Variants in ZNF75A observed in about 807,000 individuals in gnomAD.
ZNF75A encodes the protein zinc finger protein 75A.
In ZNF75A, 36 loss-of-function variants were observed where a neutral mutation model predicts 46.3. That is an observed-to-expected ratio of 0.78 (90% CI 0.60 to 1.03). The LOEUF is 1.03. Ranked by LOEUF, ZNF75A falls within the 50% of genes least tolerant of loss-of-function variation. ZNF75A has a pLI of 0.00. For missense variants in ZNF75A, 595 were observed against 551.3 expected (o/e 1.08, Z -0.79); for synonymous variants, 234 against 189.9 (o/e 1.23, Z -1.91).
downstream of ZNF75A, chr16:3,323,395 C>T: frequency 1.2e-6 from 1 of 830,116 alleles, no homozygotes; most frequent in African/African-American, 1.6e-5. Flanking sequence ...CAAACTTCCC[C>T]AGGTGCTCCT....
At chr16:3,321,074 C>T (rs961431311), downstream of ZNF75A, among the ~76,000 whole-genome samples, 2 of 152,112 alleles carry the variant, frequency 1.3e-5, no homozygotes, top group African/African-American at 4.8e-5. Context: ...ATTTCTGTAG[C>T]TTGAGATGAG....
chr16:3,307,448 AC>A (rs1285609769), intron 1 of ZNF75A: 7 of 152,320 alleles, frequency 4.6e-5, no homozygotes, highest in African/African-American at 1.7e-4. Flanking sequence ...TTTTGATCTC[AC>A]CGTCTCAGCT....
At chr16:3,307,007 C>A (rs973686699) in intron 1 of ZNF75A, 2 of 151,238 alleles carry the variant, frequency 1.3e-5, no homozygotes, top group African/African-American at 4.9e-5. Context: ...GCTGGAGTGC[C>A]GTGGCACAGT....
In ZNF75A at chr16:3,311,762, C is replaced by T; in HGVS notation, c.418C>T (p.His140Tyr). The change falls in exon 3 of 7, where the codon CAT becomes TAT. Residue 140 changes from histidine (H) to tyrosine (Y), a missense_variant. Coordinates refer to ENST00000669516, the MANE Select transcript of ZNF75A (RefSeq NM_001302109.2). ...TGGGAATTATTTCTAGGTTGCAGTC[C>T]ATGAGCTGGGAAAGGAGGCAGTGCT... ...SGQTWNGVAV[H>Y]ELGKEAVLLG... 2 of 1,050,240 alleles carry T rather than the reference C, an allele frequency of 1.9e-6. No individual in the cohort carries two copies. The highest frequency in any genetic ancestry group is 2.3e-6 in the Non-Finnish European group (2 of 862,926). The allele number at this position is 1,050,240 out of a possible 1,614,324, so 65.1% of individuals were successfully genotyped here. A position where few individuals can be genotyped will look rare whatever the true frequency, so the allele number is the denominator to read the frequency against.
At position 3,316,988 on chromosome 16, in the gene ZNF75A, G is replaced by A. The variant is rs753200527; in HGVS notation, c.900G>A (p.Pro300=). The A allele has an allele frequency of 3.3e-5, 54 of 1,613,916 alleles. No individual in the cohort carries two copies. The highest frequency in any genetic ancestry group is 4.5e-5 in the East Asian group (2 of 44,888). The change falls in exon 6 of 7, where the codon CCG becomes CCA. Residue 300 remains proline, a synonymous_variant. Coordinates refer to ENST00000669516, the MANE Select transcript of ZNF75A (RefSeq NM_001302109.2). ...QGEEPWVQVS[P]EFKDSAGKSP... ...AAGAGCCATGGGTTCAAGTATCCCCGGAGTTTAAGGATAGTGCCGGAAAAT... is the reference window on the plus strand; with the variant it reads ...AAGAGCCATGGGTTCAAGTATCCCCAGAGTTTAAGGATAGTGCCGGAAAAT...
rs550929617 is a variant in ZNF75A, at chr16:3,310,228, T to C, written c.408+1392T>C. 9.9e-5 allele frequency among the ~76,000 whole-genome samples: 15 copies of C among 152,096 alleles called. No individual in the cohort carries two copies. In the East Asian group the frequency reaches 2.7e-3, roughly 28 times the overall value. ...GACCAACATGCTGAAACCCTGTCTC[T>C]ACTAAAAATACATAAACTAGCTGAG... On this transcript the variant is annotated intron_variant, in intron 2 of 6. Coordinates refer to ENST00000669516, the MANE Select transcript of ZNF75A (RefSeq NM_001302109.2).
intron 2 of ZNF75A, chr16:3,309,431 C>T (rs1960544890): frequency 8.1e-6 from 1 of 124,168 alleles, no homozygotes; most frequent in East Asian, 2.6e-4. Context: ...GCCTGGGCAA[C>T]ACAGCAAGAC....
At chr16:3,314,667 G>C (rs1961065487) in intron 5 of ZNF75A, 1 of 984,900 alleles carries the variant, frequency 1.0e-6, no homozygotes. Flanking sequence ...TTTAGCACCT[G>C]GCCTACCATG....
intron 5 of ZNF75A, chr16:3,315,272 A>T (rs1339657461): frequency 5.4e-6 from 1 of 185,440 alleles, no homozygotes; most frequent in Non-Finnish European, 1.0e-5. Context: ...GCTCAGTGCA[A>T]GCTCTGCCTC....
At chr16:3,306,426 C>T (rs1010863005) in intron 1 of ZNF75A, 3 of 152,076 alleles carry the variant, frequency 2.0e-5, no homozygotes, top group African/African-American at 7.2e-5. Context: ...GTTAAAAATT[C>T]ATATAGGCCT....
rs146257497 is a variant in ZNF75A at position 3,308,450 on chromosome 16, G to A, written c.22G>A (p.Val8Met). Residue 8 changes from valine (V) to methionine (M), a missense_variant, in exon 2 of 7, where the codon GTG becomes ATG. Coordinates refer to ENST00000669516, the MANE Select transcript of ZNF75A (RefSeq NM_001302109.2). ...CAGAATGATGATGGTAGATCTGAAA[G>A]TGGCTGCGTACTTGGACCCTCAGAT... MMMVDLK[V>M]AAYLDPQIRA... 149 of 985,908 alleles carry A rather than the reference G, an allele frequency of 1.5e-4. No homozygotes were observed. Among genetic ancestry groups the A allele is most frequent in the East Asian group, 1.5e-3 (13 of 8,820 alleles). The allele number at this position is 985,908 out of a possible 1,614,324, so 61.1% of individuals were successfully genotyped here. A position where few individuals can be genotyped will look rare whatever the true frequency, so the allele number is the denominator to read the frequency against.
intron 2 of ZNF75A, among the ~76,000 whole-genome samples, chr16:3,309,864 T>C (rs759148243): frequency 5.3e-5 from 8 of 150,656 alleles, no homozygotes; most frequent in African/African-American, 1.5e-4. Flanking sequence ...TCGAACACTT[T>C]AGGGGGTCGC....
chr16:3,317,787 A>G lies in ZNF75A; in HGVS notation c.1532A>G (p.Glu511Gly). The G allele has an allele frequency of 3.7e-6, 6 of 1,614,218 alleles. No individual in the cohort carries two copies. The highest frequency in any genetic ancestry group is 5.1e-6 in the Non-Finnish European group (6 of 1,180,028). ...AAACACCGGAGAACCCACACAGGTGAGCAGCCATATACTTGTAGCATATGC... is the reference window on the plus strand; with the variant it reads ...AAACACCGGAGAACCCACACAGGTGGGCAGCCATATACTTGTAGCATATGC... ...LIKHRRTHTG[E>G]QPYTCSICRR... The change falls in exon 7 of 7, where the codon GAG becomes GGG. Residue 511 changes from glutamate to glycine, a missense_variant. Coordinates refer to ENST00000669516, the MANE Select transcript of ZNF75A (RefSeq NM_001302109.2).
intron 1 of ZNF75A, chr16:3,305,935 GCAGTGCCT>G (rs1467242984): frequency 4.6e-5 from 7 of 152,260 alleles, no homozygotes; most frequent in Admixed American, 2.0e-4. Flanking sequence ...CTGGCGGGCA[GCAGTGCCT>G]GCAGCTGCGC....
Position 3,318,781 on chromosome 16 carries a change from C to T in ZNF75A, c.*912C>T, listed in dbSNP as rs867055955. On this transcript the variant is annotated 3_prime_UTR_variant, in exon 7 of 7. Transcript: ENST00000669516. ...GTGCTGCAGGCAGGATCCTGTGGCT[C>T]ATTTGGCATGGAGACCTGGACATGT... The T allele has an allele frequency of 2.0e-6, 2 of 985,396 alleles. No individual in the cohort carries two copies. The highest frequency in any genetic ancestry group is 2.4e-6 in the Non-Finnish European group (2 of 829,936). The allele number at this position is 985,396 out of a possible 1,614,324, so 61.0% of individuals were successfully genotyped here.
intron 3 of ZNF75A, chr16:3,312,352 C>A (rs1596394920): frequency 2.0e-5 from 3 of 152,208 alleles, no homozygotes; most frequent in East Asian, 3.8e-4. Flanking sequence ...CAAAAAACTT[C>A]ATCTCCTACC....
chr16:3,306,946 A>C (rs992468019), intron 1 of ZNF75A: 1 of 151,830 alleles, frequency 6.6e-6, no homozygotes, highest in Non-Finnish European at 1.5e-5. Context: ...CATAAGTTTT[A>C]AATAACTTTT....
At chr16:3,310,296 A>G (rs1400667944) in intron 2 of ZNF75A, among the ~76,000 whole-genome samples, 2 of 152,108 alleles carry the variant, frequency 1.3e-5, no homozygotes, top group Non-Finnish European at 2.9e-5. Flanking sequence ...CAGAAGGCTG[A>G]GGCAGGAGAA....
In ZNF75A at chr16:3,317,668, A is replaced by T; in HGVS notation, c.1413A>T (p.Thr471=). 1 of 1,614,134 alleles carries T rather than the reference A, an allele frequency of 6.2e-7. No individual in the cohort carries two copies. The highest frequency in any genetic ancestry group is 2.2e-5 in the East Asian group (1 of 44,892). The part of the protein sequence containing the change: ...SWCGKSFSQN[T]NLHTHQRTHT... ...GTGGGAAAAGCTTCAGTCAAAATACAAATTTACATACACACCAAAGAACTC... is the reference window on the plus strand; with the variant it reads ...GTGGGAAAAGCTTCAGTCAAAATACTAATTTACATACACACCAAAGAACTC... Residue 471 remains threonine (T), a synonymous_variant, in exon 7 of 7, where the codon ACA becomes ACT. Coordinates refer to ENST00000669516, the MANE Select transcript of ZNF75A (RefSeq NM_001302109.2).
Sources: gnomAD v4.1 joint callset for allele counts (sites outside exome capture counted in the v4.1 genomes callset) on GRCh38, gnomAD v4.1.1 for gene constraint, MANE v1.5 for transcripts, NCBI Gene and HGNC (gene_info 2026-07-23, HGNC 2026-07-21) for gene names.